Variants in DOCK3 observed in about 807,000 individuals in gnomAD.
The protein encoded by DOCK3 is dedicator of cytokinesis 3.
Under a neutral mutation model 265.6 loss-of-function variants are expected in DOCK3, and 60 were observed. The ratio of observed to expected loss-of-function variants is 0.23; its 90% CI spans 0.18 to 0.28. The LOEUF (loss-of-function observed/expected upper bound fraction) is 0.28, where lower values mean the gene tolerates loss of function less well. DOCK3 is among the 10% of genes least tolerant of loss of function. The pLI is 1.00. For synonymous variants in DOCK3, 881 were observed against 938.0 expected, an observed-to-expected ratio of 0.94 and a Z score of 1.11; for missense variants, 1,981 against 2,594.3, an observed-to-expected ratio of 0.76 and a Z score of 5.14.
In DOCK3 at chr3:51,381,148, C is replaced by G. The variant is rs2088603030; in HGVS notation, c.5682C>G (p.Ser1894=). ...CCGGCAGTGCCAGCAGCGGCGTGTCCTCCTTGAGTGAGAGTAACTTTGGGC... is the reference window on the plus strand; with the variant it reads ...CCGGCAGTGCCAGCAGCGGCGTGTCGTCCTTGAGTGAGAGTAACTTTGGGC... ...TLSGSASSGV[S]SLSESNFGHS... The change falls in exon 53 of 53, where the codon TCC becomes TCG. Residue 1894 remains serine, a synonymous_variant. Coordinates refer to ENST00000266037, the MANE Select transcript of DOCK3 (RefSeq NM_004947.5). The surrounding 1 kb of genome is among the most constrained non-coding windows in gnomAD (Gnocchi z 5.6). 1 of 1,613,806 alleles carries G rather than the reference C, an allele frequency of 6.2e-7. No homozygotes were observed. The highest frequency in any genetic ancestry group is 1.3e-5 in the African/African-American group (1 of 74,906).
At chr3:51,263,291 C>A (rs935113507) in intron 23 of DOCK3, among the ~76,000 whole-genome samples, 1 of 152,158 alleles carries the variant, frequency 6.6e-6, no homozygotes, top group African/African-American at 2.4e-5. Flanking sequence ...AAAGAATTTT[C>A]AACCCAGAAT....
intron 4 of DOCK3, among the ~76,000 whole-genome samples, chr3:50,893,446 A>T (rs1662910491): frequency 6.6e-6 from 1 of 152,180 alleles, no homozygotes; most frequent in Admixed American, 6.5e-5. Context: ...AGAATCAAAC[A>T]TAAATTCTGG....
chr3:51,282,364 C>G (rs1054050921), intron 27 of DOCK3, among the ~76,000 whole-genome samples: 1 of 151,986 alleles, frequency 6.6e-6, no homozygotes, highest in South Asian at 2.1e-4. Flanking sequence ...GATTTCCAAC[C>G]AGGTGCAGTG....
At chr3:51,211,556 T>G (rs1326769814) in intron 13 of DOCK3, among the ~76,000 whole-genome samples, 4 of 152,102 alleles carry the variant, frequency 2.6e-5, no homozygotes, top group African/African-American at 7.2e-5. Flanking sequence ...TTCCCCTTCC[T>G]GTGTCCAAGT....
At chr3:51,112,557 G>A (rs1361081425) in intron 9 of DOCK3, among the ~76,000 whole-genome samples, 2 of 152,064 alleles carry the variant, frequency 1.3e-5, no homozygotes, top group East Asian at 3.8e-4. Context: ...ACTGTACTTT[G>A]GTACATTAAG....
chr3:51,218,364 G>A (rs2089909098), intron 14 of DOCK3, among the ~76,000 whole-genome samples: 1 of 152,136 alleles, frequency 6.6e-6, no homozygotes, highest in Non-Finnish European at 1.5e-5. Context: ...AACTCGGGAG[G>A]TAAAAGTTGC....
intron 27 of DOCK3, among the ~76,000 whole-genome samples, chr3:51,286,207 C>T (rs1207087169): frequency 6.6e-6 from 1 of 152,114 alleles, no homozygotes; most frequent in Non-Finnish European, 1.5e-5. Context: ...GAACGTAATT[C>T]CATTCACAAT....
In DOCK3 at chr3:51,348,937, G is replaced by A. The variant is rs771945554; in HGVS notation, c.4001G>A (p.Arg1334Gln). The A allele has an allele frequency of 8.3e-6, 13 of 1,565,930 alleles. No individual in the cohort carries two copies. Among genetic ancestry groups the A allele is most frequent in the Admixed American group, 3.8e-5 (2 of 52,938 alleles). Reference sequence around the variant, plus strand: ...GATTACCAGAGCCTCAGCTGGATTCGGGTGAGCTGTGCCCCTCCCCCCACC... The same window carrying A: ...GATTACCAGAGCCTCAGCTGGATTCAGGTGAGCTGTGCCCCTCCCCCCACC... ...LYDYQSLSWI[R>Q]KMEASYYDNI... The change falls in exon 39 of 53, where the codon CGG becomes CAG. Residue 1334 changes from arginine (R) to glutamine (Q), a missense_variant and splice_region_variant. Around this residue, in one of 4 missense-constraint regions of DOCK3, gnomAD observed 1,357 missense variants for 1,866.8 expected, o/e 0.73. Coordinates refer to ENST00000266037, the MANE Select transcript of DOCK3 (RefSeq NM_004947.5).
intron 5 of DOCK3, among the ~76,000 whole-genome samples, chr3:51,016,959 A>G (rs1482852465): frequency 5.4e-5 from 1 of 18,584 alleles, no homozygotes; most frequent in Non-Finnish European, 8.1e-5. Context: ...TAATATATAT[A>G]TTATATATAT....
rs549814953 is a variant in DOCK3, at chr3:50,946,598, A to T, written c.315+12521A>T. Among the ~76,000 whole-genome samples the T allele has an allele frequency of 1.5e-3, 221 of 152,322 alleles. 2 individuals are homozygous for T. Among genetic ancestry groups the T allele is most frequent in the East Asian group, 7.9e-3 (41 of 5,188 alleles). The stretch of plus-strand genomic sequence containing the variant: ...TTAGGTAGGCAGTGTGTACAGCTAA[A>T]AAGTATTCATCTTTCCTGACTCCCT... On this transcript the variant is annotated intron_variant, in intron 5 of 52. Coordinates refer to ENST00000266037, the MANE Select transcript of DOCK3 (RefSeq NM_004947.5).
At chr3:51,055,816 A>G (rs1388334672) in intron 5 of DOCK3, among the ~76,000 whole-genome samples, 1 of 152,134 alleles carries the variant, frequency 6.6e-6, no homozygotes, top group Non-Finnish European at 1.5e-5. Flanking sequence ...TGCTCTGTGG[A>G]ATAGAAAGAT....
chr3:51,036,866 G>A (rs951317597), intron 5 of DOCK3, among the ~76,000 whole-genome samples: 6 of 152,078 alleles, frequency 3.9e-5, no homozygotes, highest in Non-Finnish European at 7.3e-5. Context: ...AGATCTGATG[G>A]TTTTAAAAAC....
intron 35 of DOCK3, chr3:51,336,998 T>C (rs1012260168): frequency 7.1e-6 from 3 of 420,758 alleles, no homozygotes; most frequent in Non-Finnish European, 1.4e-5. Flanking sequence ...TCAGCCTCAC[T>C]CCTCGAAAAG....
intron 26 of DOCK3, chr3:51,278,488 C>A (rs1330573840): frequency 1.0e-6 from 1 of 985,276 alleles, no homozygotes; most frequent in Non-Finnish European, 1.2e-6. Context: ...GCAAGCCAAG[C>A]TACAGCGTGC....
At chr3:51,118,810 G>A (rs1295904313) in intron 9 of DOCK3, among the ~76,000 whole-genome samples, 1 of 138,750 alleles carries the variant, frequency 7.2e-6, no homozygotes, top group African/African-American at 2.9e-5. Context: ...TTTTTTTTTT[G>A]CTTTCCATTT....
chr3:50,769,047 C>T, intron 1 of DOCK3, among the ~76,000 whole-genome samples: 1 of 147,628 alleles, frequency 6.8e-6, no homozygotes. Flanking sequence ...ACATTTATGT[C>T]TTCTTTTGAG....
chr3:51,324,945 G>A (rs1221951977), intron 32 of DOCK3, among the ~76,000 whole-genome samples: 1 of 152,104 alleles, frequency 6.6e-6, no homozygotes, highest in African/African-American at 2.4e-5. Context: ...TTAAATATAA[G>A]ACATAAAACC....
chr3:51,337,152 C>T (rs1328378783), intron 35 of DOCK3, among the ~76,000 whole-genome samples: 3 of 152,218 alleles, frequency 2.0e-5, no homozygotes, highest in Non-Finnish European at 4.4e-5. Context: ...AAAGGAGGGC[C>T]TTGGTTCCAA....
chr3:51,317,775 A>G (rs7617533), intron 32 of DOCK3, among the ~76,000 whole-genome samples: 113,159 of 151,654 alleles, frequency 0.75, 43,206 homozygotes, highest in Middle Eastern at 0.86. Flanking sequence ...ATAAATAGAT[A>G]TAATTATTGT....
Sources: gnomAD v4.1 joint callset for allele counts (sites outside exome capture counted in the v4.1 genomes callset) on GRCh38, gnomAD v4.1.1 for gene constraint, gnomAD v4.1.1 regional missense constraint, Gnocchi (gnomAD v3.1) non-coding constraint, MANE v1.5 for transcripts, NCBI Gene and HGNC (gene_info 2026-07-23, HGNC 2026-07-21) for gene names.